GAS7: variants seen among roughly 807,000 people sequenced by gnomAD.
GAS7 encodes growth arrest-specific protein 7.
In GAS7, 28 loss-of-function variants were observed where a neutral mutation model predicts 71.1. The ratio of observed to expected loss-of-function variants is 0.39; its 90% confidence interval spans 0.29 to 0.54. The LOEUF is 0.54. Ranked by LOEUF, GAS7 falls within the 20% of genes least tolerant of loss-of-function variation. The probability of loss-of-function intolerance (pLI) is 0.62; values close to 1 mark genes in which losing one functional copy is unlikely to be tolerated. For synonymous variants in GAS7, 258 were observed against 245.8 expected, an observed-to-expected ratio of 1.05 and a Z score of -0.46; for missense variants, 436 against 627.8, an observed-to-expected ratio of 0.69 and a Z score of 3.27.
intron 1 of GAS7, among the ~76,000 whole-genome samples, chr17:10,042,406 C>T (rs1000543903): frequency 1.3e-5 from 2 of 152,146 alleles, no homozygotes; most frequent in Non-Finnish European, 2.9e-5. Flanking sequence ...TTCATCAGCC[C>T]AAGCAGTCTC....
intron 1 of GAS7, among the ~76,000 whole-genome samples, chr17:10,175,123 G>A (rs2074363731): frequency 6.6e-6 from 1 of 151,902 alleles, no homozygotes; most frequent in Admixed American, 6.6e-5. Flanking sequence ...TGGGATTATG[G>A]GCACGAGCCA....
chr17:10,067,598 G>T (rs2073296156), intron 1 of GAS7, among the ~76,000 whole-genome samples: 1 of 152,156 alleles, frequency 6.6e-6, no homozygotes, highest in African/African-American at 2.4e-5. Flanking sequence ...TGGCTAGGGG[G>T]TAATCAGAAG....
chr17:10,133,420 G>A (rs972360805), intron 1 of GAS7, among the ~76,000 whole-genome samples: 5 of 151,952 alleles, frequency 3.3e-5, no homozygotes, highest in African/African-American at 9.7e-5. Context: ...ACTGCGCCTC[G>A]CCAGATTTTA....
intron 2 of GAS7, among the ~76,000 whole-genome samples, chr17:9,991,863 T>C (rs529963780): frequency 6.0e-5 from 9 of 150,892 alleles, no homozygotes; most frequent in Non-Finnish European, 7.4e-5. Context: ...CATCTTATGG[T>C]TGAGAAACTG....
intron 1 of GAS7, among the ~76,000 whole-genome samples, chr17:10,117,357 T>C (rs927164311): frequency 6.6e-6 from 1 of 152,234 alleles, no homozygotes; most frequent in South Asian, 2.1e-4. Flanking sequence ...TAATCACAAC[T>C]GCAAAATCCC....
intron 3 of GAS7, among the ~76,000 whole-genome samples, chr17:9,978,088 C>A (rs527502501): frequency 6.6e-6 from 1 of 152,142 alleles, no homozygotes; most frequent in East Asian, 1.9e-4. Flanking sequence ...GTGGCATGTG[C>A]CTATAGTCCC....
chr17:9,959,096 G>A lies in GAS7; in HGVS notation c.525+106C>T, dbSNP rs2069368824. The A allele has an allele frequency of 7.2e-7, 1 of 1,393,356 alleles. No homozygotes were observed. The highest frequency in any genetic ancestry group is 9.6e-7 in the Non-Finnish European group (1 of 1,038,844). 86.3% of individuals were successfully genotyped at this position (1,393,356 alleles called of 1,614,324 possible). ...GAGCTTTGGAACTTCCCCGTTTCCA[G>A]GTTGGGCATCACTTCTGCTTGGCGG... is the stretch of plus-strand genomic sequence containing the variant. On this transcript the variant is annotated intron_variant, in intron 5 of 13. Transcript: ENST00000432992. This position sits in a 1 kb window ranked among gnomAD's most constrained non-coding sequence, Gnocchi z 5.0.
intron 8 of GAS7, among the ~76,000 whole-genome samples, chr17:9,939,790 A>G (rs888919654): frequency 1.6e-4 from 25 of 152,076 alleles, no homozygotes; most frequent in Non-Finnish European, 1.0e-4. Context: ...TTGTATTTTT[A>G]GTAGAGATGG....
At chr17:10,147,144 A>T (rs12600854) in intron 1 of GAS7, among the ~76,000 whole-genome samples, 9 of 151,858 alleles carry the variant, frequency 5.9e-5, no homozygotes, top group Admixed American at 1.3e-4. Context: ...ATGGTTTGCC[A>T]TTTTTTTTAA....
At chr17:9,967,012 G>T (rs925510642) in intron 4 of GAS7, among the ~76,000 whole-genome samples, 1 of 152,074 alleles carries the variant, frequency 6.6e-6, no homozygotes, top group Non-Finnish European at 1.5e-5. Context: ...TATACTACAT[G>T]ATTTATTTTT....
chr17:10,132,063 A>G lies in GAS7; in HGVS notation c.183+66145T>C, dbSNP rs200631612. 3.3e-3 allele frequency among the ~76,000 whole-genome samples: 357 copies of G among 109,390 alleles called. 2 individuals carry two copies. The highest frequency in any genetic ancestry group is 4.3e-3 in the Non-Finnish European group (259 of 60,374). 71.8% of individuals were successfully genotyped at this position (109,390 alleles called of 152,430 possible). Reference sequence around the variant, plus strand: ...CATGTACTGACAAATGTATAAAAACATGTACTCAATACATGTACTCGTGAA... The same window carrying G: ...CATGTACTGACAAATGTATAAAAACGTGTACTCAATACATGTACTCGTGAA... On this transcript the variant is annotated intron_variant, in intron 1 of 13. Coordinates refer to ENST00000432992, the MANE Select transcript of GAS7 (RefSeq NM_201433.2).
intron 2 of GAS7, among the ~76,000 whole-genome samples, chr17:9,982,792 AGAAAG>A (rs200781669): frequency 0.013 from 1,094 of 86,500 alleles, 16 homozygotes; most frequent in African/African-American, 0.063. Flanking sequence ...AAAGAAAGAA[AGAAAG>A]GAAAGAAAGG....
chr17:9,952,250 C>T (rs1435370817), intron 5 of GAS7, among the ~76,000 whole-genome samples: 1 of 152,160 alleles, frequency 6.6e-6, no homozygotes, highest in African/African-American at 2.4e-5. Flanking sequence ...AACCAGCATT[C>T]GTGATCCATT....
At position 9,917,211 on chromosome 17, in the gene GAS7, A is replaced by G; in HGVS notation, c.*17T>C. On this transcript the variant is annotated 3_prime_UTR_variant, in exon 14 of 14. Coordinates refer to ENST00000432992, the MANE Select transcript of GAS7 (RefSeq NM_201433.2). Reference sequence around the variant, plus strand: ...CCCCCCTCCCCAGCAGGACCCCCCGAAGCTGCACAGGCCCATCTAGATCTC... The same window carrying G: ...CCCCCCTCCCCAGCAGGACCCCCCGGAGCTGCACAGGCCCATCTAGATCTC... 4.6e-6 allele frequency: 5 copies of G among 1,095,176 alleles called. No individual in the cohort carries two copies. The highest frequency in any genetic ancestry group is 7.1e-6 in the Non-Finnish European group (5 of 708,032). The allele number at this position is 1,095,176 out of a possible 1,614,324, so 67.8% of individuals were successfully genotyped here.
At chr17:9,973,130 CTG>C (rs2070035251) in intron 3 of GAS7, among the ~76,000 whole-genome samples, 2 of 152,232 alleles carry the variant, frequency 1.3e-5, no homozygotes, top group East Asian at 1.9e-4. Flanking sequence ...ATGGCTGGTT[CTG>C]TGTGTGTGCA....
rs550102263 is a variant in GAS7, at chr17:9,979,022, C to T, written c.385+2782G>A. Among the ~76,000 whole-genome samples the T allele has an allele frequency of 1.4e-3, 214 of 152,334 alleles. 2 individuals are homozygous for T. Among genetic ancestry groups the T allele is most frequent in the Admixed American group, 2.5e-3 (38 of 15,306 alleles). On this transcript the variant is annotated intron_variant, in intron 3 of 13. Coordinates refer to ENST00000432992, the MANE Select transcript of GAS7 (RefSeq NM_201433.2). ...CTGTAGCCCCTCCCCCCGGTGCTGG[C>T]AGTCAAAAATATCTCCAGACATTGC...
Position 10,198,196 on chromosome 17 carries a change from C to T in GAS7, c.183+12G>A, listed in dbSNP as rs1427178081. On this transcript the variant is annotated intron_variant, in intron 1 of 13. Transcript: ENST00000432992. Reference sequence around the variant, plus strand: ...AGCCCCGGCTCCTACAGCCCCGGCCCTCGCCCCTTACCTCCAGCAACTGCA... The same window carrying T: ...AGCCCCGGCTCCTACAGCCCCGGCCTTCGCCCCTTACCTCCAGCAACTGCA... 6.2e-7 allele frequency: 1 copy of T among 1,606,540 alleles called. No individual in the cohort carries two copies.
At position 9,919,920 on chromosome 17, in the gene GAS7, C is replaced by G. The variant is rs546404319; in HGVS notation, c.1139-215G>C. On this transcript the variant is annotated intron_variant, in intron 11 of 13. Transcript: ENST00000432992. The surrounding 1 kb of genome is among the most constrained non-coding windows in gnomAD (Gnocchi z 5.0). ...CATGAGAACCCAGCTCAGGTGTCCC[C>G]CTGAAGCCTGACCCCAGATACCAAG... Among the ~76,000 whole-genome samples the G allele has an allele frequency of 1.3e-5, 2 of 151,862 alleles. No individual in the cohort carries two copies. The highest frequency in any genetic ancestry group is 3.9e-4 in the East Asian group (2 of 5,156).
rs113088733 is a variant in GAS7, at chr17:10,111,401, C to T, written c.183+86807G>A. ...ACAAAATAATAGCCAGGCGTGGTGT[C>T]GTGCACCTGTAGTCTCAGCTACTTG... On this transcript the variant is annotated intron_variant, in intron 1 of 13. Coordinates refer to ENST00000432992, the MANE Select transcript of GAS7 (RefSeq NM_201433.2). 7.0e-3 allele frequency among the ~76,000 whole-genome samples: 1,059 copies of T among 152,164 alleles called. 11 individuals carry two copies. The highest frequency in any genetic ancestry group is 0.024 in the African/African-American group (1,006 of 41,482).
Sources: allele counts gnomAD v4.1 joint callset (sites outside exome capture counted in the v4.1 genomes callset), GRCh38; gene constraint gnomAD v4.1.1; non-coding constraint Gnocchi (gnomAD v3.1); transcripts MANE v1.5; gene names NCBI Gene and HGNC (gene_info 2026-07-23, HGNC 2026-07-21).